Variants in ACD observed in about 807,000 individuals in gnomAD.
ACD encodes adrenocortical dysplasia protein homolog.
ACD carries 39 observed loss-of-function variants against 53.9 expected under a neutral mutation model. The observed-to-expected ratio is 0.72, with a 90% CI of 0.56 to 0.95. ACD has a LOEUF of 0.95. ACD is among the 40% of genes least tolerant of loss of function. The probability of loss-of-function intolerance (pLI) is 0.00; values close to 1 mark genes in which losing one functional copy is unlikely to be tolerated. For missense variants in ACD, 526 were observed against 587.9 expected, an observed-to-expected ratio of 0.89 and a Z score of 1.09; for synonymous variants, 273 against 249.2, an observed-to-expected ratio of 1.10 and a Z score of -0.90.
chr16:67,657,914 C>T lies in ACD; in HGVS notation c.1207-61G>A, dbSNP rs2052904414. 10 of 1,611,580 alleles carry T rather than the reference C, an allele frequency of 6.2e-6. No homozygotes were observed. The highest frequency in any genetic ancestry group is 8.5e-6 in the Non-Finnish European group (10 of 1,178,588). On this transcript the variant is annotated intron_variant, in intron 10 of 11. Transcript: ENST00000620761. This position sits in a 1 kb window ranked among gnomAD's most constrained non-coding sequence, Gnocchi z 4.5. ...AGGACCCCAACCCCATCCAAGGCTA[C>T]CCATGCTCCCTCCCAGCTCTACCTC...
chr16:67,657,990 A>C lies in ACD; in HGVS notation c.1202T>G (p.Val401Gly). The C allele has an allele frequency of 1.3e-6, 2 of 1,569,178 alleles. No individual in the cohort carries two copies. Among genetic ancestry groups the C allele is most frequent in the Non-Finnish European group, 1.7e-6 (2 of 1,156,116 alleles). The change falls in exon 10 of 12, where the codon GTC becomes GGC. Residue 401 changes from valine to glycine, a missense_variant. Physicochemically the swap from Val to Gly is moderately radical, Grantham distance 109. Transcript: ENST00000620761. The surrounding 1 kb of genome is among the most constrained non-coding windows in gnomAD (Gnocchi z 4.5). ...CTGCAGAGGGGCTATGCTCACCCAGACAGAGCAGGGCTCCTGGGCTCCCCT... is the reference window on the plus strand; with the variant it reads ...CTGCAGAGGGGCTATGCTCACCCAGCCAGAGCAGGGCTCCTGGGCTCCCCT... ...ATRGAQEPCSVWEPPKRHRDG... is the reference protein window; with the variant it reads ...ATRGAQEPCSGWEPPKRHRDG...
Position 67,659,543 on chromosome 16 carries a change from G to A in ACD, c.407C>T (p.Pro136Leu). 6.2e-7 allele frequency: 1 copy of A among 1,613,052 alleles called. No homozygotes were observed. The highest frequency in any genetic ancestry group is 8.5e-7 in the Non-Finnish European group (1 of 1,179,432). Residue 136 changes from proline to leucine, a missense_variant, in exon 4 of 12, where the codon CCT becomes CTT. Pro to Leu is a moderately conservative substitution (Grantham distance 98). Transcript: ENST00000620761. ...LPTEQPRLRV[P>L]GCNQDLDVQK... ...GGGCGGAGGCATCACTTACCAACCA[G>A]GCACCCGTAGCCGGGGCTGCTCCGT...
At chr16:67,658,493 C>T (rs914100870) in intron 9 of ACD, 62 bp downstream of exon 9, 46 of 1,577,154 alleles carry the variant, frequency 2.9e-5, no homozygotes, top group Middle Eastern at 3.7e-4. Flanking sequence ...CAGCATCCTG[C>T]GCAGCCCGGG....
chr16:67,658,398 C>G, intron 9 of ACD, 36 bp from the exon 10 acceptor site: 1 of 1,612,754 alleles, frequency 6.2e-7, no homozygotes, highest in Non-Finnish European at 8.5e-7. Flanking sequence ...GCACAGCCCT[C>G]TCCGCTCAGG....
rs915716446 is a variant in ACD at position 67,659,385 on chromosome 16, C to T, written c.448G>A (p.Asp150Asn). ...QDLDVQKKLY[D>N]CLEEHLSEST... is the part of the protein sequence containing the mutation. ...CAACCCCAGACTCACTCAAGGCAGT[C>T]ATAGAGCTTTTTCTGAACATCTAAG... The change falls in exon 5 of 12, where the codon GAC becomes AAC. Residue 150 changes from aspartate (D) to asparagine (N), a missense_variant. Physicochemically the swap from Asp to Asn is conservative, Grantham distance 23. Coordinates refer to ENST00000620761, the MANE Select transcript of ACD (RefSeq NM_001082486.2). 7 of 1,614,060 alleles carry T rather than the reference C, an allele frequency of 4.3e-6. No individual in the cohort carries two copies. Among genetic ancestry groups the T allele is most frequent in the Admixed American group, 1.7e-5 (1 of 60,026 alleles).
chr16:67,659,766 G>T lies in ACD; in HGVS notation c.272C>A (p.Thr91Lys). ...WEEKEFGFRG[T>K]EGRLLLLQDC... ...CTGCAGCAGCAGCAGCCGGCCCTCT[G>T]TCCCGCGGAAGCCGAACTCCTTCTC... Residue 91 changes from threonine to lysine, a missense_variant, in exon 3 of 12, where the codon ACA (threonine) becomes AAA (lysine). Thr to Lys is a moderately conservative substitution (Grantham distance 78). Transcript: ENST00000620761. 6.2e-7 allele frequency: 1 copy of T among 1,611,470 alleles called. No homozygotes were observed. Among genetic ancestry groups the T allele is most frequent in the Non-Finnish European group, 8.5e-7 (1 of 1,178,428 alleles).
Position 67,660,057 on chromosome 16 carries a change from G to T in ACD, c.100-12C>A. 6.2e-7 allele frequency: 1 copy of T among 1,608,436 alleles called. No homozygotes were observed. The highest frequency in any genetic ancestry group is 8.5e-7 in the Non-Finnish European group (1 of 1,177,750). On this transcript the variant is annotated splice_polypyrimidine_tract_variant and intron_variant, in intron 1 of 11. Transcript: ENST00000620761. Reference sequence around the variant, plus strand: ...GCGTCCTGTAGTACCTGACGGCGGCGAGCGGCGTCAATCCCACCACCCCGG... The same window carrying T: ...GCGTCCTGTAGTACCTGACGGCGGCTAGCGGCGTCAATCCCACCACCCCGG...
Position 67,657,903 on chromosome 16 carries a change from A to T in ACD, c.1207-50T>A. The T allele has an allele frequency of 6.2e-7, 1 of 1,612,872 alleles. No homozygotes were observed. Among genetic ancestry groups the T allele is most frequent in the Non-Finnish European group, 8.5e-7 (1 of 1,179,396 alleles). ...AAGAGCTAACAAGGACCCCAACCCCATCCAAGGCTACCCATGCTCCCTCCC... is the reference window on the plus strand; with the variant it reads ...AAGAGCTAACAAGGACCCCAACCCCTTCCAAGGCTACCCATGCTCCCTCCC... On this transcript the variant is annotated intron_variant, in intron 10 of 11. Coordinates refer to ENST00000620761, the MANE Select transcript of ACD (RefSeq NM_001082486.2). The surrounding 1 kb of genome is among the most constrained non-coding windows in gnomAD (Gnocchi z 4.5).
At chr16:67,659,323 A>G (rs1413818128) in intron 5 of ACD, 52 bp downstream of exon 5, 4 of 1,614,000 alleles carry the variant, frequency 2.5e-6, no homozygotes, top group Non-Finnish European at 3.4e-6. Context: ...ACCTAGATAC[A>G]CCATCCCCTC....
At position 67,657,540 on chromosome 16, in the gene ACD, G is replaced by A; in HGVS notation, c.*66C>T. On this transcript the variant is annotated 3_prime_UTR_variant, in exon 12 of 12. Transcript: ENST00000620761. This position sits in a 1 kb window ranked among gnomAD's most constrained non-coding sequence, Gnocchi z 4.5. ...CTGATCCTCTCCTCTCCTGCCGCAT[G>A]AGATTATTTTATTAAAAAACTCAAA... is the stretch of plus-strand genomic sequence containing the variant. 2 of 1,613,762 alleles carry A rather than the reference G, an allele frequency of 1.2e-6. No individual in the cohort carries two copies. The highest frequency in any genetic ancestry group is 1.7e-6 in the Non-Finnish European group (2 of 1,179,728).
At position 67,658,616 on chromosome 16, in the gene ACD, C is replaced by T. The variant is rs1245603152; in HGVS notation, c.768G>A (p.Pro256=). 7.6e-6 allele frequency: 12 copies of T among 1,576,278 alleles called. No individual in the cohort carries two copies. The highest frequency in any genetic ancestry group is 1.4e-5 in the African/African-American group (1 of 74,006). ...GGGTCAGAGATAGGTCCTGCAGAGC[C>T]GGGTCTGGTGGGGGCAGCTCAGGGC... ...TQGPELPPPD[P]ALQDLSLTLI... is the part of the protein sequence containing the mutation. Residue 256 remains proline (P), a synonymous_variant, in exon 9 of 12, where the codon CCG becomes CCA. Coordinates refer to ENST00000620761, the MANE Select transcript of ACD (RefSeq NM_001082486.2).
Position 67,658,787 on chromosome 16 carries a change from T to G in ACD, c.675A>C (p.Ser225=), listed in dbSNP as rs776467595. 4 of 1,613,362 alleles carry G rather than the reference T, an allele frequency of 2.5e-6. No individual in the cohort carries two copies. The African/African-American group carries it at 5.3e-5, about 22-fold the overall frequency. ...TGEAVYTVPS[S]MLCISENDQL... is the part of the protein sequence containing the mutation. The stretch of plus-strand genomic sequence containing the variant: ...GGTCATTCTCAGAGATGCACAGCAT[T>G]GAGCTGGGGACAGTGTACACAGCTT... The change falls in exon 8 of 12, where the codon TCA becomes TCC. Residue 225 remains serine (S), a synonymous_variant. Coordinates refer to ENST00000620761, the MANE Select transcript of ACD (RefSeq NM_001082486.2).
At position 67,657,538 on chromosome 16, in the gene ACD, A is replaced by C. The variant is rs1050247986; in HGVS notation, c.*68T>G. On this transcript the variant is annotated 3_prime_UTR_variant, in exon 12 of 12. Coordinates refer to ENST00000620761, the MANE Select transcript of ACD (RefSeq NM_001082486.2). This position sits in a 1 kb window ranked among gnomAD's most constrained non-coding sequence, Gnocchi z 4.5. ...CCCTGATCCTCTCCTCTCCTGCCGCATGAGATTATTTTATTAAAAAACTCA... is the reference window on the plus strand; with the variant it reads ...CCCTGATCCTCTCCTCTCCTGCCGCCTGAGATTATTTTATTAAAAAACTCA... The C allele has an allele frequency of 6.2e-7, 1 of 1,613,768 alleles. No homozygotes were observed. Among genetic ancestry groups the C allele is most frequent in the Non-Finnish European group, 8.5e-7 (1 of 1,179,758 alleles).
rs777618312 is a variant in ACD, at chr16:67,657,539, T to TGA, written c.*65_*66dup. 6.2e-7 allele frequency: 1 copy of TGA among 1,613,790 alleles called. No homozygotes were observed. The highest frequency in any genetic ancestry group is 8.5e-7 in the Non-Finnish European group (1 of 1,179,734). On this transcript the variant is annotated 3_prime_UTR_variant, in exon 12 of 12. Transcript: ENST00000620761. This position sits in a 1 kb window ranked among gnomAD's most constrained non-coding sequence, Gnocchi z 4.5. The stretch of plus-strand genomic sequence containing the variant: ...CCTGATCCTCTCCTCTCCTGCCGCA[T>TGA]GAGATTATTTTATTAAAAAACTCAA...
chr16:67,657,715 G>A lies in ACD; in HGVS notation c.1299-31C>T, dbSNP rs1280532790. ...AAGAAACCACCGCTGCAGGTCAATG[G>A]AGCCTGGGACTAGTGACCAAGAGTT... On this transcript the variant is annotated intron_variant, in intron 11 of 11. Coordinates refer to ENST00000620761, the MANE Select transcript of ACD (RefSeq NM_001082486.2). This position sits in a 1 kb window ranked among gnomAD's most constrained non-coding sequence, Gnocchi z 4.5. The A allele has an allele frequency of 1.2e-6, 2 of 1,614,070 alleles. No individual in the cohort carries two copies.
chr16:67,658,425 C>T lies in ACD; in HGVS notation c.830-63G>A, dbSNP rs918370928. ...CCGCTCAGGGCAGCTGAGTGGCCTG[C>T]GAGCTCAGACAGGACTGCAGGGACC... On this transcript the variant is annotated intron_variant, in intron 9 of 11. Transcript: ENST00000620761. The T allele has an allele frequency of 6.8e-5, 110 of 1,609,780 alleles. No homozygotes were observed. The Middle Eastern group carries it at 7.5e-4, about 11-fold the overall frequency.
Position 67,658,570 on chromosome 16 carries a change from A to G in ACD, c.814T>C (p.Ser272Pro). 1.3e-6 allele frequency: 2 copies of G among 1,567,952 alleles called. No homozygotes were observed. Among genetic ancestry groups the G allele is most frequent in the Non-Finnish European group, 1.7e-6 (2 of 1,155,612 alleles). ...ATCACCTCACCTGAGGAACTGGGTG[A>G]GGAAGGAGGAGAGGCTATGAGGGTC... The part of the protein sequence containing the change: ...SLTLIASPPS[S>P]PSSSGTPALP... The change falls in exon 9 of 12, where the codon TCA (serine) becomes CCA (proline). Residue 272 changes from serine to proline, a missense_variant. Ser to Pro is a moderately conservative substitution (Grantham distance 74, BLOSUM62 -1). Transcript: ENST00000620761.
rs1567641944 is a variant in ACD, at chr16:67,659,633, A to C, written c.337-20T>G. On this transcript the variant is annotated intron_variant, in intron 3 of 11. Transcript: ENST00000620761. ...TGCGGGCTGGAGGAGTTCGGGGGGA[A>C]GGGGGGGTCTCAGAATCGTCACGAA... 6.2e-7 allele frequency: 1 copy of C among 1,612,978 alleles called. No individual in the cohort carries two copies. The highest frequency in any genetic ancestry group is 1.7e-5 in the Admixed American group (1 of 60,014).
In ACD at chr16:67,659,992, CG is replaced by C. The variant is rs759257949; in HGVS notation, c.152del (p.Thr51SerfsTer21). Reference protein sequence around the residue: ...AVAGPSHAPDTSDVGATLLVS... With the variant: ...AVAGPSHAPDXSDVGATLLVS... Reference sequence around the variant, plus strand: ...CAAGCAGCGTGGCCCCGACGTCGGACGTATCAGGGGCGTGGGATGGGCCCGC... The same window carrying C: ...CAAGCAGCGTGGCCCCGACGTCGGACTATCAGGGGCGTGGGATGGGCCCGC... On this transcript the variant is annotated frameshift_variant, in exon 2 of 12. Coordinates refer to ENST00000620761, the MANE Select transcript of ACD (RefSeq NM_001082486.2). LOFTEE classifies it high-confidence loss of function. The C allele has an allele frequency of 3.7e-6, 6 of 1,609,092 alleles. No homozygotes were observed. The South Asian group carries it at 5.5e-5, about 15-fold the overall frequency.
Sources: allele counts gnomAD v4.1 joint callset, GRCh38; gene constraint gnomAD v4.1.1; non-coding constraint Gnocchi (gnomAD v3.1); transcripts MANE v1.5; gene names NCBI Gene and HGNC (gene_info 2026-07-23, HGNC 2026-07-21).